SVOP: variants seen among roughly 807,000 people sequenced by gnomAD.
SVOP encodes SV2 related protein, also known as synaptic vesicle 2-related protein.
SVOP carries 17 observed loss-of-function variants against 69.1 expected under a neutral mutation model. The observed-to-expected ratio is 0.25, with a 90% CI of 0.17 to 0.37. The LOEUF (loss-of-function observed/expected upper bound fraction) is 0.37. SVOP is among the 10% of genes least tolerant of loss of function. SVOP has a pLI of 1.00. For missense variants in SVOP, 435 were observed against 597.5 expected, an observed-to-expected ratio of 0.73 and a Z score of 2.84; for synonymous variants, 238 against 238.6, an observed-to-expected ratio of 1.00 and a Z score of 0.02.
At chr12:109,017,822 G>A (rs940235242) in intron 1 of SVOP, among the ~76,000 whole-genome samples, 2 of 151,898 alleles carry the variant, frequency 1.3e-5, no homozygotes, top group Admixed American at 6.6e-5. Flanking sequence ...GGGATTATAG[G>A]CATGACCCAC....
chr12:108,996,892 A>C (rs536149620), intron 1 of SVOP, among the ~76,000 whole-genome samples: 1 of 152,264 alleles, frequency 6.6e-6, no homozygotes, highest in Non-Finnish European at 1.5e-5. Flanking sequence ...TGATTACACC[A>C]CTGCACTCCA....
At chr12:109,003,110 T>C (rs1010256581) in intron 1 of SVOP, among the ~76,000 whole-genome samples, 2 of 152,180 alleles carry the variant, frequency 1.3e-5, no homozygotes, top group Non-Finnish European at 2.9e-5. Flanking sequence ...GTTTGCATGC[T>C]ACAGTCTGAG....
chr12:108,970,266 T>G, intron 5 of SVOP, among the ~76,000 whole-genome samples: 1 of 152,208 alleles, frequency 6.6e-6, no homozygotes, highest in African/African-American at 2.4e-5. Flanking sequence ...AGCTCTAGAC[T>G]TAGAATGAGC....
At chr12:108,919,318 C>A (rs1199362285) in intron 13 of SVOP, among the ~76,000 whole-genome samples, 1 of 131,406 alleles carries the variant, frequency 7.6e-6, no homozygotes, top group Non-Finnish European at 1.8e-5. Flanking sequence ...CACACCTGGG[C>A]CTGCACCCAC....
intron 6 of SVOP, among the ~76,000 whole-genome samples, chr12:108,958,708 C>T (rs2039999643): frequency 6.6e-6 from 1 of 152,140 alleles, no homozygotes; most frequent in South Asian, 2.1e-4. Flanking sequence ...GCATTGCCTG[C>T]CAGGAGCTGA....
chr12:108,917,413 A>C (rs1466644451), intron 14 of SVOP, among the ~76,000 whole-genome samples: 1 of 152,210 alleles, frequency 6.6e-6, no homozygotes, highest in Non-Finnish European at 1.5e-5. Flanking sequence ...CAAAATGCCT[A>C]AATTCTCTCC....
intron 6 of SVOP, among the ~76,000 whole-genome samples, chr12:108,958,191 A>AT (rs2039996339): frequency 6.6e-6 from 1 of 151,972 alleles, no homozygotes; most frequent in African/African-American, 2.4e-5. Flanking sequence ...TTTAATAGCG[A>AT]GGGGGTCTAG....
intron 4 of SVOP, among the ~76,000 whole-genome samples, chr12:108,974,329 C>T (rs957519855): frequency 2.0e-5 from 3 of 152,106 alleles, no homozygotes; most frequent in African/African-American, 7.2e-5. Context: ...AATTATTTAT[C>T]AAAATTATAT....
chr12:108,996,687 T>A (rs1420118783), intron 1 of SVOP, among the ~76,000 whole-genome samples: 4 of 152,110 alleles, frequency 2.6e-5, no homozygotes, highest in Non-Finnish European at 4.4e-5. Context: ...TTCTAGCACT[T>A]TGGGAGGCTG....
At chr12:108,966,516 C>T (rs1362708333) in intron 5 of SVOP, among the ~76,000 whole-genome samples, 2 of 151,846 alleles carry the variant, frequency 1.3e-5, no homozygotes, top group African/African-American at 2.4e-5. Context: ...AGGAGGTTCT[C>T]GGTGGTTGCC....
At chr12:108,976,381 C>G (rs145225193) in intron 4 of SVOP, among the ~76,000 whole-genome samples, 101,801 of 151,970 alleles carry the variant, frequency 0.67, 34,606 homozygotes, top group East Asian at 0.79. Flanking sequence ...ATCACTGATG[C>G]AGATCACAGA....
chr12:108,930,354 A>G (rs1041163997), intron 11 of SVOP, among the ~76,000 whole-genome samples: 2 of 151,834 alleles, frequency 1.3e-5, no homozygotes, highest in Non-Finnish European at 2.9e-5. Context: ...GTAACAGAAG[A>G]CGGAAGTGAG....
At chr12:108,953,430 G>T (rs1441382796) in intron 6 of SVOP, among the ~76,000 whole-genome samples, 1 of 152,162 alleles carries the variant, frequency 6.6e-6, no homozygotes, top group Non-Finnish European at 1.5e-5. Context: ...TTACAGGCGT[G>T]ATCACCACGC....
At chr12:108,932,653 G>A (rs908068313) in intron 11 of SVOP, among the ~76,000 whole-genome samples, 3 of 151,840 alleles carry the variant, frequency 2.0e-5, no homozygotes, top group African/African-American at 7.3e-5. Flanking sequence ...ACTGAATTCC[G>A]GCCATGATGG....
At chr12:108,972,282 T>C (rs745548561) in intron 5 of SVOP, 123 bp downstream of exon 5, 18 of 894,646 alleles carry the variant, frequency 2.0e-5, no homozygotes, top group Non-Finnish European at 3.0e-5. Flanking sequence ...GTCTTCTCAC[T>C]GTACTTCAAC....
At chr12:108,991,442 C>CTTGTTTGT (rs370214885) in intron 1 of SVOP, among the ~76,000 whole-genome samples, 2,814 of 13,962 alleles carry the variant, frequency 0.2, 304 homozygotes, top group Admixed American at 0.41. Flanking sequence ...TCGGGTTTTG[C>CTTGTTTGT]TTGTTTGTTT....
chr12:108,925,479 G>A (rs762795683), intron 11 of SVOP, among the ~76,000 whole-genome samples: 1 of 152,134 alleles, frequency 6.6e-6, no homozygotes. Flanking sequence ...CCCAGCCATG[G>A]TCTATTTCCA....
chr12:108,944,211 T>C (rs541980037), intron 7 of SVOP, among the ~76,000 whole-genome samples: 1 of 151,472 alleles, frequency 6.6e-6, no homozygotes, highest in Non-Finnish European at 1.5e-5. Flanking sequence ...GGGGTCTTGC[T>C]CTGCCACTCA....
chr12:108,918,066 C>T lies in SVOP; in HGVS notation c.1327G>A (p.Ala443Thr). Residue 443 changes from alanine (A) to threonine (T), a missense_variant, in exon 14 of 16, where the codon GCG (alanine) becomes ACG (threonine). Ala to Thr is a moderately conservative substitution (Grantham distance 58, BLOSUM62 0). Transcript: ENST00000610966. ...ARAFISGGFQ[A>T]AYVYTPEVYP... is the part of the protein sequence containing the mutation. ...ACCTCAGGTGTGTAAACATATGCCG[C>T]TTGAAAGCCTCCAGAAATAAACGCT... 1 of 1,583,072 alleles carries T rather than the reference C, an allele frequency of 6.3e-7. No homozygotes were observed. Among genetic ancestry groups the T allele is most frequent in the Non-Finnish European group, 8.6e-7 (1 of 1,164,328 alleles).
Sources: gnomAD v4.1 joint callset for allele counts (sites outside exome capture counted in the v4.1 genomes callset) on GRCh38, gnomAD v4.1.1 for gene constraint, MANE v1.5 for transcripts, NCBI Gene and HGNC (gene_info 2026-07-23, HGNC 2026-07-21) for gene names.